Variants in RIC8B observed in about 807,000 individuals in gnomAD.
RIC8B encodes chaperone Ric-8B.
RIC8B carries 16 observed loss-of-function variants against 57.5 expected under a neutral mutation model. The ratio of observed to expected loss-of-function variants is 0.28; its 90% confidence interval spans 0.19 to 0.42. RIC8B has a LOEUF of 0.42. Ranked by LOEUF, RIC8B falls within the 10% of genes least tolerant of loss-of-function variation. The pLI is 1.00. For synonymous variants in RIC8B, 216 were observed against 250.8 expected (o/e 0.86, Z 1.31); for missense variants, 481 against 677.0 (o/e 0.71, Z 3.21).
At chr12:106,829,002 CT>C (rs768340535) in intron 4 of RIC8B, among the ~76,000 whole-genome samples, 3 of 152,068 alleles carry the variant, frequency 2.0e-5, no homozygotes, top group Non-Finnish European at 4.4e-5. Context: ...GATACGTTGT[CT>C]TTGTAAGACA....
intron 2 of RIC8B, among the ~76,000 whole-genome samples, chr12:106,795,476 G>T (rs2044437448): frequency 6.6e-6 from 1 of 152,156 alleles, no homozygotes; most frequent in Non-Finnish European, 1.5e-5. Flanking sequence ...TCAGATTTGA[G>T]GAGGTGATGT....
rs1331664960 is a variant in RIC8B at position 106,887,096 on chromosome 12, A to G, written c.*1081A>G. ...TAGAATTGGTCCTATGAAGAAGTAG[A>G]AAGTGAGTCATGCACTAGACAGTGG... is the stretch of plus-strand genomic sequence containing the variant. On this transcript the variant is annotated 3_prime_UTR_variant, in exon 10 of 10. Transcript: ENST00000392837. The G allele has an allele frequency of 6.6e-6, 1 of 152,618 alleles. No homozygotes were observed. The highest frequency in any genetic ancestry group is 1.5e-5 in the Non-Finnish European group (1 of 68,034). The allele number at this position is 152,618 out of a possible 1,614,324, so 9.5% of individuals were successfully genotyped here.
At chr12:106,842,876 T>C in intron 5 of RIC8B, 59 bp downstream of exon 5, 1 of 1,030,360 alleles carries the variant, frequency 9.7e-7, no homozygotes, top group Non-Finnish European at 1.5e-6. Flanking sequence ...AAATGTGCCA[T>C]ACATACAGAC....
chr12:106,849,686 A>G (rs748012074), intron 6 of RIC8B, among the ~76,000 whole-genome samples: 1 of 152,090 alleles, frequency 6.6e-6, no homozygotes, highest in East Asian at 1.9e-4. Flanking sequence ...ACACTTTAAT[A>G]TGCTCTGTAA....
Position 106,842,628 on chromosome 12 carries a change from T to C in RIC8B, c.876T>C (p.Cys292=), listed in dbSNP as rs1949005745. Residue 292 remains cysteine (C), a synonymous_variant, in exon 5 of 10, where the codon TGT becomes TGC. Coordinates refer to ENST00000392837, the MANE Select transcript of RIC8B (RefSeq NM_001330145.2). ...TTTTAAGCAATGTTCCAGTCTCTTG[T>C]TTGGATGTTCTCATTTGTCCGTTAA... ...VNLLSNVPVS[C]LDVLICPLTH... 6.2e-7 allele frequency: 1 copy of C among 1,614,106 alleles called. No individual in the cohort carries two copies. Among genetic ancestry groups the C allele is most frequent in the Non-Finnish European group, 8.5e-7 (1 of 1,179,942 alleles).
At chr12:106,830,169 A>AT (rs1348349637) in intron 4 of RIC8B, among the ~76,000 whole-genome samples, 1 of 152,128 alleles carries the variant, frequency 6.6e-6, no homozygotes, top group Non-Finnish European at 1.5e-5. Context: ...GTCCCTTGAG[A>AT]TTCCATATGA....
At chr12:106,838,365 A>T (rs913196771) in intron 4 of RIC8B, among the ~76,000 whole-genome samples, 2 of 152,104 alleles carry the variant, frequency 1.3e-5, no homozygotes, top group African/African-American at 4.8e-5. Context: ...ACCTAAAACA[A>T]TAAAACTCTT....
intron 2 of RIC8B, among the ~76,000 whole-genome samples, chr12:106,790,674 A>G (rs188620574): frequency 5.9e-5 from 9 of 152,370 alleles, no homozygotes; most frequent in African/African-American, 2.2e-4. Context: ...ACTGACCTCA[A>G]AACCAATAAA....
rs776505240 is a variant in RIC8B at position 106,814,897 on chromosome 12, C to T, written c.334C>T (p.Pro112Ser). The T allele has an allele frequency of 6.2e-7, 1 of 1,614,010 alleles. No individual in the cohort carries two copies. The part of the protein sequence containing the change: ...DDSLEKVSEF[P>S]VIVESLKCLC... The stretch of plus-strand genomic sequence containing the variant: ...TTCTTTGGAGAAAGTATCAGAGTTC[C>T]CAGTTATTGTGGAGTCATTAAAATG... The change falls in exon 3 of 10, where the codon CCA becomes TCA. Residue 112 changes from proline (P) to serine (S), a missense_variant. By Grantham distance (74) the Pro-to-Ser change is moderately conservative. Coordinates refer to ENST00000392837, the MANE Select transcript of RIC8B (RefSeq NM_001330145.2).
At chr12:106,820,911 C>T (rs1432988931) in intron 3 of RIC8B, among the ~76,000 whole-genome samples, 1 of 152,188 alleles carries the variant, frequency 6.6e-6, no homozygotes, top group Non-Finnish European at 1.5e-5. Context: ...TTCACTATCA[C>T]AACCAAGCCT....
chr12:106,853,036 T>C (rs1363588840), intron 7 of RIC8B, among the ~76,000 whole-genome samples: 1 of 152,212 alleles, frequency 6.6e-6, no homozygotes. Context: ...CAAAATATTA[T>C]TTATTGTTAC....
intron 6 of RIC8B, among the ~76,000 whole-genome samples, chr12:106,850,042 C>T (rs150745873): frequency 2.7e-4 from 41 of 152,344 alleles, no homozygotes; most frequent in African/African-American, 9.6e-4. Context: ...GCCTGAGCGC[C>T]GCCTACTGTC....
chr12:106,779,996 A>G (rs1372472076), intron 1 of RIC8B, among the ~76,000 whole-genome samples: 1 of 150,826 alleles, frequency 6.6e-6, no homozygotes, highest in East Asian at 2.0e-4. Context: ...GGCATGAGGC[A>G]CAGTGCCCAG....
intron 9 of RIC8B, among the ~76,000 whole-genome samples, chr12:106,876,943 C>A (rs1950691702): frequency 6.6e-6 from 1 of 152,088 alleles, no homozygotes; most frequent in South Asian, 2.1e-4. Flanking sequence ...AAGAAAAATT[C>A]TGTAAATAAA....
chr12:106,826,331 A>G (rs2046097597), intron 4 of RIC8B, among the ~76,000 whole-genome samples: 1 of 152,258 alleles, frequency 6.6e-6, no homozygotes. Flanking sequence ...GCTTTTAATT[A>G]CTACACTTAA....
chr12:106,800,906 A>G (rs2044702385), intron 2 of RIC8B, among the ~76,000 whole-genome samples: 1 of 152,228 alleles, frequency 6.6e-6, no homozygotes, highest in African/African-American at 2.4e-5. Flanking sequence ...GGTATATGTT[A>G]TTGTGACAGT....
Position 106,816,284 on chromosome 12 carries a change from A to G in RIC8B, c.741+980A>G, listed in dbSNP as rs143739120. ...TGAGTAAAGATCTGTTTTTGCCAGC[A>G]GCCTACTTTAAAGGGATTATCTCAG... On this transcript the variant is annotated intron_variant, in intron 3 of 9. Coordinates refer to ENST00000392837, the MANE Select transcript of RIC8B (RefSeq NM_001330145.2). Among the ~76,000 whole-genome samples, 7 of 152,318 alleles carry G rather than the reference A, an allele frequency of 4.6e-5. No individual in the cohort carries two copies. In the East Asian group the frequency reaches 1.4e-3, roughly 29 times the overall value.
At chr12:106,861,729 A>G (rs1396856838) in intron 8 of RIC8B, among the ~76,000 whole-genome samples, 4 of 152,076 alleles carry the variant, frequency 2.6e-5, no homozygotes, top group Admixed American at 6.6e-5. Flanking sequence ...TATAAACTAT[A>G]TTTCCTTATC....
At chr12:106,842,010 G>A (rs1260028794) in intron 4 of RIC8B, among the ~76,000 whole-genome samples, 6 of 152,128 alleles carry the variant, frequency 3.9e-5, no homozygotes, top group Non-Finnish European at 8.8e-5. Flanking sequence ...GAGACCTGAT[G>A]ATAAGAAAGA....
Sources: gnomAD v4.1 joint callset for allele counts (sites outside exome capture counted in the v4.1 genomes callset) on GRCh38, gnomAD v4.1.1 for gene constraint, MANE v1.5 for transcripts, NCBI Gene and HGNC (gene_info 2026-07-23, HGNC 2026-07-21) for gene names.